The following CAMK1D variants were observed in gnomAD, a reference collection of about 807,000 sequenced individuals.
The protein encoded by CAMK1D is calcium/calmodulin-dependent protein kinase type 1D.
In CAMK1D, 9 loss-of-function variants were observed where a neutral mutation model predicts 47.7. The observed-to-expected ratio is 0.19, with a 90% CI of 0.11 to 0.33. CAMK1D has a LOEUF of 0.33. Among genes scored for constraint, CAMK1D ranks in the 10% least tolerant of loss-of-function variants. CAMK1D has a pLI of 1.00. For missense variants in CAMK1D, 291 were observed against 488.7 expected (o/e 0.60, Z 3.81); for synonymous variants, 184 against 184.9 (o/e 0.99, Z 0.04).
intron 3 of CAMK1D, among the ~76,000 whole-genome samples, chr10:12,758,405 G>A (rs1336977480): frequency 6.6e-6 from 1 of 151,916 alleles, no homozygotes; most frequent in African/African-American, 2.4e-5. Context: ...TTCTTTATTG[G>A]CAAGATTCTA....
At chr10:12,578,433 G>T (rs1163591615) in intron 2 of CAMK1D, among the ~76,000 whole-genome samples, 1 of 151,828 alleles carries the variant, frequency 6.6e-6, no homozygotes, top group Non-Finnish European at 1.5e-5. Flanking sequence ...AGTTGGGCGT[G>T]GTGGTGCATC....
At chr10:12,732,512 G>A (rs951740793) in intron 3 of CAMK1D, among the ~76,000 whole-genome samples, 4 of 152,074 alleles carry the variant, frequency 2.6e-5, no homozygotes, top group African/African-American at 7.2e-5. Flanking sequence ...CAGAATCGTG[G>A]CGGGAGGCGA....
At chr10:12,351,914 G>A (rs1837365115) in intron 1 of CAMK1D, among the ~76,000 whole-genome samples, 1 of 152,164 alleles carries the variant, frequency 6.6e-6, no homozygotes, top group African/African-American at 2.4e-5. Context: ...ATTGGACCTA[G>A]AAGAATGATA....
intron 1 of CAMK1D, among the ~76,000 whole-genome samples, chr10:12,527,101 T>G (rs2768459): frequency 0.54 from 82,203 of 151,652 alleles, 22,408 homozygotes; most frequent in South Asian, 0.68. Flanking sequence ...TTTGGCCAGG[T>G]AGAAGGGTTA....
At chr10:12,643,858 C>T (rs1259249866) in intron 2 of CAMK1D, among the ~76,000 whole-genome samples, 3 of 148,510 alleles carry the variant, frequency 2.0e-5, no homozygotes, top group Non-Finnish European at 3.0e-5. Context: ...CACTCCAGCC[C>T]GGGCGACAGA....
rs11819480 is a variant in CAMK1D at position 12,355,475 on chromosome 10, T to C, written c.92+5565T>C. Among the ~76,000 whole-genome samples the C allele has an allele frequency of 1.5e-3, 229 of 151,468 alleles. 1 individual carries two copies. Among genetic ancestry groups the C allele is most frequent in the African/African-American group, 4.8e-3 (199 of 41,270 alleles). On this transcript the variant is annotated intron_variant, in intron 1 of 10. Transcript: ENST00000619168. ...GTTTGTGTGTGCGTGTGTGTGTGTG[T>C]GCGCGCGCGTGCGTGTGTATGTGTG...
chr10:12,552,086 A>G (rs1200091256), intron 1 of CAMK1D, among the ~76,000 whole-genome samples: 1 of 152,172 alleles, frequency 6.6e-6, no homozygotes, highest in Non-Finnish European at 1.5e-5. Context: ...GTTCCATGCC[A>G]GGGTTATTAG....
chr10:12,752,234 A>G (rs762460462), intron 3 of CAMK1D, among the ~76,000 whole-genome samples: 9 of 152,110 alleles, frequency 5.9e-5, no homozygotes, highest in Non-Finnish European at 8.8e-5. Context: ...CTGTCCACAG[A>G]TGATCTGGGC....
intron 1 of CAMK1D, among the ~76,000 whole-genome samples, chr10:12,351,183 T>A (rs2131827073): frequency 6.6e-6 from 1 of 152,204 alleles, no homozygotes; most frequent in East Asian, 1.9e-4. Context: ...TGCTTCTGAT[T>A]CCCGGGAAGG....
chr10:12,677,127 T>C (rs950628497), intron 3 of CAMK1D, among the ~76,000 whole-genome samples: 5 of 152,144 alleles, frequency 3.3e-5, no homozygotes, highest in African/African-American at 9.7e-5. Flanking sequence ...TGTTGTCTTG[T>C]GCAGTAAGCT....
intron 2 of CAMK1D, among the ~76,000 whole-genome samples, chr10:12,630,362 T>A (rs1839342290): frequency 7.0e-6 from 1 of 142,246 alleles, no homozygotes; most frequent in Admixed American, 7.2e-5. Context: ...AGATTTACTT[T>A]CTTTTTCTTT....
At chr10:12,739,890 T>C (rs1835355998) in intron 3 of CAMK1D, among the ~76,000 whole-genome samples, 1 of 152,184 alleles carries the variant, frequency 6.6e-6, no homozygotes, top group Non-Finnish European at 1.5e-5. Flanking sequence ...AGACCAACAA[T>C]AGCTTTCCTG....
At chr10:12,453,713 T>C (rs1026274346) in intron 1 of CAMK1D, among the ~76,000 whole-genome samples, 1 of 152,208 alleles carries the variant, frequency 6.6e-6, no homozygotes, top group Admixed American at 6.5e-5. Flanking sequence ...AACACACTTC[T>C]GACTTACATG....
chr10:12,657,613 C>T lies in CAMK1D; in HGVS notation c.225-9123C>T, dbSNP rs745588784. Among the ~76,000 whole-genome samples, 31 of 152,214 alleles carry T rather than the reference C, an allele frequency of 2.0e-4. No homozygotes were observed. The Middle Eastern group carries it at 0.01, about 50-fold the overall frequency. Reference sequence around the variant, plus strand: ...GCTAGAATGGTGCTGTCTTGGAGGACTGAGAAAGTAGTCACTTGAATCATT... The same window carrying T: ...GCTAGAATGGTGCTGTCTTGGAGGATTGAGAAAGTAGTCACTTGAATCATT... On this transcript the variant is annotated intron_variant, in intron 2 of 10. Coordinates refer to ENST00000619168, the MANE Select transcript of CAMK1D (RefSeq NM_153498.4).
intron 3 of CAMK1D, among the ~76,000 whole-genome samples, chr10:12,714,684 A>T (rs1834053565): frequency 1.3e-5 from 2 of 151,596 alleles, no homozygotes; most frequent in South Asian, 4.2e-4. Flanking sequence ...ACGCCACTGC[A>T]CTCCAGCCTG....
intron 1 of CAMK1D, among the ~76,000 whole-genome samples, chr10:12,476,312 A>G (rs1357924039): frequency 6.6e-6 from 1 of 151,764 alleles, no homozygotes; most frequent in Non-Finnish European, 1.5e-5. Flanking sequence ...AGAAGTCTAG[A>G]GTGAATCCCA....
intron 1 of CAMK1D, among the ~76,000 whole-genome samples, chr10:12,401,895 C>CTATATATA (rs10635900): frequency 0.01 from 1,517 of 146,076 alleles, 12 homozygotes; most frequent in South Asian, 0.032. Context: ...TATTCTCAGA[C>CTATATATA]TATATATATA....
intron 1 of CAMK1D, among the ~76,000 whole-genome samples, chr10:12,434,838 C>T (rs1291797683): frequency 1.3e-5 from 2 of 152,190 alleles, no homozygotes; most frequent in Non-Finnish European, 2.9e-5. Context: ...TGGGAATCAT[C>T]CGTCTAGAAA....
intron 1 of CAMK1D, among the ~76,000 whole-genome samples, chr10:12,535,438 C>A (rs1263688194): frequency 6.6e-6 from 1 of 152,186 alleles, no homozygotes; most frequent in African/African-American, 2.4e-5. Context: ...TAACTCTACC[C>A]CATTAAGTGG....
Sources: allele counts gnomAD v4.1 joint callset (sites outside exome capture counted in the v4.1 genomes callset), GRCh38; gene constraint gnomAD v4.1.1; transcripts MANE v1.5; gene names NCBI Gene and HGNC (gene_info 2026-07-23, HGNC 2026-07-21).